Variants in PPP1R8 observed in about 807,000 individuals in gnomAD.
PPP1R8 encodes the protein protein phosphatase 1 regulatory subunit 8.
In PPP1R8, 4 loss-of-function variants were observed where a neutral mutation model predicts 31.3. The observed-to-expected ratio is 0.13, with a 90% CI of 0.06 to 0.29. The LOEUF (loss-of-function observed/expected upper bound fraction) is 0.29. PPP1R8 is among the 10% of genes least tolerant of loss of function. The pLI is 1.00. For synonymous variants in PPP1R8, 170 were observed against 169.7 expected (o/e 1.00, Z -0.01); for missense variants, 254 against 440.1 (o/e 0.58, Z 3.78).
rs773994854 is a variant in PPP1R8, at chr1:27,845,783, C to CTTTTTTT, written c.638-1227_638-1221dup. Among the ~76,000 whole-genome samples the CTTTTTTT allele has an allele frequency of 2.6e-3, 235 of 91,818 alleles. 15 individuals are homozygous for CTTTTTTT. Among genetic ancestry groups the CTTTTTTT allele is most frequent in the East Asian group, 8.6e-3 (22 of 2,572 alleles). 60.2% of individuals were successfully genotyped at this position (91,818 alleles called of 152,430 possible). A position where few individuals can be genotyped will look rare whatever the true frequency, so the allele number is the denominator to read the frequency against. ...GGAGTTTTTCTTTCTTTCTTTCTTTCTTTTTTTTTTTTTTTTTTTTTTTTG... is the reference window on the plus strand; with the variant it reads ...GGAGTTTTTCTTTCTTTCTTTCTTTCTTTTTTTTTTTTTTTTTTTTTTTTTTTTTTTG... On this transcript the variant is annotated intron_variant, in intron 5 of 6. Transcript: ENST00000311772.
chr1:27,837,687 A>G (rs1053847758), intron 2 of PPP1R8, among the ~76,000 whole-genome samples: 1 of 150,992 alleles, frequency 6.6e-6, no homozygotes, highest in African/African-American at 2.4e-5. Context: ...AGACAGGAGA[A>G]TCTCTTGAAC....
intron 5 of PPP1R8, among the ~76,000 whole-genome samples, chr1:27,846,376 C>G (rs1211088401): frequency 6.6e-6 from 1 of 152,238 alleles, no homozygotes; most frequent in Non-Finnish European, 1.5e-5. Context: ...CTATCTGGCT[C>G]TGTGACTGTG....
intron 2 of PPP1R8, among the ~76,000 whole-genome samples, chr1:27,838,390 A>G (rs1302542777): frequency 6.6e-6 from 1 of 152,144 alleles, no homozygotes; most frequent in Non-Finnish European, 1.5e-5. Flanking sequence ...AGAAACAAAA[A>G]AGAGAAAGAA....
intron 5 of PPP1R8, among the ~76,000 whole-genome samples, chr1:27,846,588 T>C (rs1234656333): frequency 6.6e-6 from 1 of 152,262 alleles, no homozygotes. Flanking sequence ...ATGTGACCTC[T>C]TGACATGTCA....
intron 2 of PPP1R8, among the ~76,000 whole-genome samples, chr1:27,836,066 G>T (rs974682115): frequency 2.0e-5 from 3 of 152,206 alleles, no homozygotes; most frequent in African/African-American, 4.8e-5. Context: ...AGCCAGGAAT[G>T]AAATATAAGC....
chr1:27,840,971 GT>G, intron 3 of PPP1R8, 42 bp from the exon 4 acceptor site: 1 of 1,592,734 alleles, frequency 6.3e-7, no homozygotes, highest in Non-Finnish European at 8.6e-7. Context: ...AACTCAGGTT[GT>G]TTTTGTTTTC....
intron 1 of PPP1R8, 182 bp downstream of exon 1, chr1:27,831,073 C>G: frequency 1.4e-6 from 2 of 1,382,028 alleles, no homozygotes; most frequent in Non-Finnish European, 1.9e-6. Flanking sequence ...GCCTGGAGCC[C>G]AGGCCCAGGA....
chr1:27,844,986 G>A (rs1307481944), intron 5 of PPP1R8, among the ~76,000 whole-genome samples: 1 of 134,816 alleles, frequency 7.4e-6, no homozygotes, highest in African/African-American at 2.8e-5. Flanking sequence ...GCCCGCCTCG[G>A]CCTCCTAAAG....
intron 6 of PPP1R8, among the ~76,000 whole-genome samples, chr1:27,848,168 C>T (rs1229734769): frequency 3.3e-5 from 5 of 151,988 alleles, no homozygotes; most frequent in Admixed American, 6.6e-5. Flanking sequence ...TTTGGGAGGC[C>T]GAGGTGGGCA....
intron 5 of PPP1R8, among the ~76,000 whole-genome samples, chr1:27,843,782 G>A (rs1473276102): frequency 6.6e-6 from 1 of 151,906 alleles, no homozygotes; most frequent in South Asian, 2.1e-4. Context: ...GCAGAACCCT[G>A]TCTCTACAAA....
At chr1:27,839,334 C>T (rs2089200396) in intron 3 of PPP1R8, among the ~76,000 whole-genome samples, 1 of 152,052 alleles carries the variant, frequency 6.6e-6, no homozygotes, top group Non-Finnish European at 1.5e-5. Context: ...TTGAGACCAG[C>T]CTGGCCAATA....
At chr1:27,831,307 C>T in intron 1 of PPP1R8, 1 of 998,474 alleles carries the variant, frequency 1.0e-6, no homozygotes, top group South Asian at 4.3e-5. Context: ...GCCCCGCATC[C>T]CTCTGTGGTT....
intron 2 of PPP1R8, among the ~76,000 whole-genome samples, chr1:27,835,537 A>G (rs1467312414): frequency 1.3e-5 from 2 of 152,210 alleles, no homozygotes; most frequent in African/African-American, 4.8e-5. Flanking sequence ...GCACTGCCAG[A>G]TAGGGTTTCC....
chr1:27,830,979 G>A (rs935432947), intron 1 of PPP1R8, 88 bp downstream of exon 1: 10 of 1,453,742 alleles, frequency 6.9e-6, no homozygotes, highest in Non-Finnish European at 9.1e-6. Flanking sequence ...TTTCTGCTGC[G>A]AGCCGAACGG....
At chr1:27,842,551 T>C (rs2148618065) in intron 4 of PPP1R8, among the ~76,000 whole-genome samples, 1 of 152,214 alleles carries the variant, frequency 6.6e-6, no homozygotes, top group South Asian at 2.1e-4. Flanking sequence ...CTCAAACTTG[T>C]GGTTTGTACC....
rs777479502 is a variant in PPP1R8, at chr1:27,851,632, TC to T, written c.*1190del. 1 of 496,338 alleles carries T rather than the reference TC, an allele frequency of 2.0e-6. No individual in the cohort carries two copies. Among genetic ancestry groups the T allele is most frequent in the South Asian group, 1.5e-5 (1 of 67,644 alleles). 30.7% of individuals were successfully genotyped at this position (496,338 alleles called of 1,614,324 possible). A position where few individuals can be genotyped will look rare whatever the true frequency, so the allele number is the denominator to read the frequency against. ...ACTGGGCTTGGGAGGCAATGCTCCA[TC>T]CCCATTATATTACAAATAAAGATGC... On this transcript the variant is annotated 3_prime_UTR_variant, in exon 7 of 7. Coordinates refer to ENST00000311772, the MANE Select transcript of PPP1R8 (RefSeq NM_014110.5).
Position 27,850,555 on chromosome 1 carries a change from C to G in PPP1R8, c.*109C>G. ...TTTCCATGTGTGCGGTATCGTCTTT[C>G]AGAATGTCTCCTGGCATCCTAACCA... On this transcript the variant is annotated 3_prime_UTR_variant, in exon 7 of 7. Coordinates refer to ENST00000311772, the MANE Select transcript of PPP1R8 (RefSeq NM_014110.5). 1 of 993,704 alleles carries G rather than the reference C, an allele frequency of 1.0e-6. No homozygotes were observed. Among genetic ancestry groups the G allele is most frequent in the Non-Finnish European group, 1.5e-6 (1 of 686,884 alleles). 61.6% of individuals were successfully genotyped at this position (993,704 alleles called of 1,614,324 possible).
In PPP1R8 at chr1:27,841,143, C is replaced by T; in HGVS notation, c.401C>T (p.Pro134Leu). The T allele has an allele frequency of 6.2e-7, 1 of 1,614,204 alleles. No individual in the cohort carries two copies. Among genetic ancestry groups the T allele is most frequent in the Non-Finnish European group, 8.5e-7 (1 of 1,180,034 alleles). The change falls in exon 4 of 7, where the codon CCA becomes CTA. Residue 134 changes from proline to leucine, a missense_variant. This residue lies in a region of PPP1R8 where 27 missense variants were observed against 26.7 expected (regional missense o/e 1.01). Transcript: ENST00000311772. ...YTLREKPQTLPSAVKGDEKMG... is the reference protein window; with the variant it reads ...YTLREKPQTLLSAVKGDEKMG... Reference sequence around the variant, plus strand: ...CTGCGCGAGAAGCCTCAGACATTGCCATCGGCTGTGAAAGGAGATGAGAAG... The same window carrying T: ...CTGCGCGAGAAGCCTCAGACATTGCTATCGGCTGTGAAAGGAGATGAGAAG...
intron 4 of PPP1R8, among the ~76,000 whole-genome samples, chr1:27,841,445 A>C (rs1269500837): frequency 2.0e-5 from 3 of 152,148 alleles, no homozygotes; most frequent in Non-Finnish European, 4.4e-5. Context: ...CAGGCCTAAC[A>C]AGGAGGCTGA....
Sources: allele counts gnomAD v4.1 joint callset (sites outside exome capture counted in the v4.1 genomes callset), GRCh38; gene constraint gnomAD v4.1.1; regional missense constraint gnomAD v4.1.1; transcripts MANE v1.5; gene names NCBI Gene and HGNC (gene_info 2026-07-23, HGNC 2026-07-21).